The following ROBO1 variants were observed in gnomAD, a reference collection of about 807,000 sequenced individuals.
ROBO1 encodes roundabout guidance receptor 1, also known as roundabout homolog 1.
Under a neutral mutation model 195.9 loss-of-function variants are expected in ROBO1, and 149 were observed. The observed-to-expected ratio is 0.76, with a 90% confidence interval of 0.67 to 0.87. ROBO1 has a LOEUF of 0.87. Ranked by LOEUF, ROBO1 falls within the 40% of genes least tolerant of loss-of-function variation. ROBO1 has a pLI of 0.00. For missense variants in ROBO1, 1,933 were observed against 2,068.3 expected (o/e 0.93, Z 1.27); for synonymous variants, 816 against 733.2 (o/e 1.11, Z -1.82).
At chr3:79,366,899 G>T (rs369999635) in intron 2 of ROBO1, among the ~76,000 whole-genome samples, 3 of 150,704 alleles carry the variant, frequency 2.0e-5, no homozygotes, top group African/African-American at 7.3e-5. Context: ...AGAAACAGGG[G>T]GAAGCTCTTA....
intron 2 of ROBO1, among the ~76,000 whole-genome samples, chr3:79,558,474 A>G (rs1942792810): frequency 6.6e-6 from 1 of 152,178 alleles, no homozygotes; most frequent in Non-Finnish European, 1.5e-5. Flanking sequence ...AGTTATTGAT[A>G]AGGCTTCTGG....
intron 1 of ROBO1, among the ~76,000 whole-genome samples, chr3:79,718,840 TA>T (rs1393971211): frequency 6.6e-6 from 1 of 152,060 alleles, no homozygotes; most frequent in Non-Finnish European, 1.5e-5. Context: ...TATTTATGGC[TA>T]AAACTTCAAG....
At chr3:79,555,086 C>G (rs1408230990) in intron 2 of ROBO1, among the ~76,000 whole-genome samples, 6 of 151,932 alleles carry the variant, frequency 3.9e-5, no homozygotes, top group Admixed American at 3.9e-4. Flanking sequence ...CTGAGTGTCT[C>G]CAAAGACTTT....
At chr3:79,388,291 A>G (rs1233625992) in intron 2 of ROBO1, among the ~76,000 whole-genome samples, 1 of 152,084 alleles carries the variant, frequency 6.6e-6, no homozygotes, top group African/African-American at 2.4e-5. Context: ...CAAATAGAAA[A>G]TTTGTTTTTT....
intron 2 of ROBO1, among the ~76,000 whole-genome samples, chr3:79,378,945 G>A (rs1015529890): frequency 1.3e-5 from 2 of 152,206 alleles, no homozygotes; most frequent in African/African-American, 2.4e-5. Context: ...TGCAAAGCGA[G>A]TTTAATAGTG....
At chr3:78,605,567 T>A (rs1168752387) in intron 29 of ROBO1, among the ~76,000 whole-genome samples, 1 of 152,206 alleles carries the variant, frequency 6.6e-6, no homozygotes, top group Non-Finnish European at 1.5e-5. Context: ...ACTTTGTCAT[T>A]CACATAATTA....
At chr3:79,390,857 A>G (rs1283392398) in intron 2 of ROBO1, among the ~76,000 whole-genome samples, 1 of 152,156 alleles carries the variant, frequency 6.6e-6, no homozygotes, top group Non-Finnish European at 1.5e-5. Flanking sequence ...GGGCATGAAC[A>G]GGGAATGAAT....
chr3:79,468,211 T>C (rs1938076904), intron 2 of ROBO1, among the ~76,000 whole-genome samples: 1 of 152,244 alleles, frequency 6.6e-6, no homozygotes. Flanking sequence ...TTCATTGTCA[T>C]AGCCCCAATA....
chr3:79,367,188 G>A (rs897359943), intron 2 of ROBO1, among the ~76,000 whole-genome samples: 2 of 152,136 alleles, frequency 1.3e-5, no homozygotes, highest in Admixed American at 6.5e-5. Context: ...CATGCAGGAA[G>A]TGTCATACAT....
chr3:79,578,483 C>G (rs1371129161), intron 2 of ROBO1, among the ~76,000 whole-genome samples: 1 of 152,098 alleles, frequency 6.6e-6, no homozygotes, highest in Non-Finnish European at 1.5e-5. Context: ...ATACTTAGCA[C>G]TATTTAATTG....
chr3:78,616,342 A>C (rs896257902), intron 27 of ROBO1, among the ~76,000 whole-genome samples: 2 of 152,190 alleles, frequency 1.3e-5, no homozygotes, highest in Non-Finnish European at 1.5e-5. Context: ...AGGTTTGCAT[A>C]GTTTATTACA....
rs150536181 is a variant in ROBO1, at chr3:79,542,990, T to C, written c.88+46834A>G. ...AAAATATAACACTTCATAATGATTG[T>C]ATATGACAAGGACATAAAATGGGAT... On this transcript the variant is annotated intron_variant, in intron 2 of 30. Coordinates refer to ENST00000464233, the MANE Select transcript of ROBO1 (RefSeq NM_002941.4). 8.4e-3 allele frequency among the ~76,000 whole-genome samples: 1,273 copies of C among 152,218 alleles called. 17 individuals are homozygous for C. The highest frequency in any genetic ancestry group is 0.029 in the African/African-American group (1,208 of 41,558).
intron 2 of ROBO1, among the ~76,000 whole-genome samples, chr3:79,216,525 T>C (rs907348466): frequency 1.3e-5 from 2 of 152,036 alleles, no homozygotes; most frequent in East Asian, 1.9e-4. Flanking sequence ...TAATGTTACG[T>C]TGAGTTTCCA....
intron 4 of ROBO1, among the ~76,000 whole-genome samples, chr3:78,805,823 C>T (rs1406637133): frequency 6.6e-6 from 1 of 151,990 alleles, no homozygotes; most frequent in African/African-American, 2.4e-5. Context: ...GTTCATAATA[C>T]ATAGTATAGT....
chr3:78,780,019 AC>A (rs2083625697), intron 4 of ROBO1, among the ~76,000 whole-genome samples: 3 of 152,252 alleles, frequency 2.0e-5, no homozygotes, highest in Admixed American at 2.0e-4. Flanking sequence ...AAAACTGAAC[AC>A]CACGTGATCT....
intron 1 of ROBO1, among the ~76,000 whole-genome samples, chr3:79,742,527 T>G (rs1263827966): frequency 6.6e-6 from 1 of 152,206 alleles, no homozygotes; most frequent in East Asian, 1.9e-4. Context: ...GCCTCCCAGC[T>G]GGCCATATGA....
intron 4 of ROBO1, among the ~76,000 whole-genome samples, chr3:78,934,307 C>T (rs9876641): frequency 0.055 from 8,287 of 151,770 alleles, 635 homozygotes; most frequent in African/African-American, 0.17. Context: ...TTACAGTATA[C>T]GTGTACAAAA....
At chr3:79,115,810 C>T (rs570465745) in intron 3 of ROBO1, among the ~76,000 whole-genome samples, 3 of 152,244 alleles carry the variant, frequency 2.0e-5, no homozygotes, top group Admixed American at 6.5e-5. Context: ...TACTTCCGTG[C>T]GTAGCAGACC....
chr3:79,599,007 C>A (rs776557468), intron 1 of ROBO1, among the ~76,000 whole-genome samples: 67 of 152,214 alleles, frequency 4.4e-4, no homozygotes, highest in Non-Finnish European at 7.9e-4. Context: ...CAATCCACTT[C>A]ACTCCCCTGC....
Sources: gnomAD v4.1 joint callset for allele counts (sites outside exome capture counted in the v4.1 genomes callset) on GRCh38, gnomAD v4.1.1 for gene constraint, MANE v1.5 for transcripts, NCBI Gene and HGNC (gene_info 2026-07-23, HGNC 2026-07-21) for gene names.